Variants in RFX7 observed in about 807,000 individuals in gnomAD.
The protein encoded by RFX7 is regulatory factor X7.
A neutral mutation model predicts 111.8 loss-of-function variants in RFX7; 26 were observed. The observed-to-expected ratio is 0.23, with a 90% confidence interval of 0.17 to 0.32. The LOEUF is 0.32. Ranked by LOEUF, RFX7 falls within the 10% of genes least tolerant of loss-of-function variation. The pLI, the probability that RFX7 is intolerant of heterozygous loss-of-function variation, is 1.00. For missense variants in RFX7, 1,573 were observed against 1,772.9 expected, an observed-to-expected ratio of 0.89 and a Z score of 2.02; for synonymous variants, 624 against 624.4, an observed-to-expected ratio of 1.00 and a Z score of 0.01.
At chr15:56,143,012 C>A in intron 4 of RFX7, 112 bp from the exon 5 acceptor site, 2 of 1,153,266 alleles carry the variant, frequency 1.7e-6, no homozygotes, top group South Asian at 1.5e-5. Context: ...TATCAACGAC[C>A]AAACCAAACT....
intron 5 of RFX7, among the ~76,000 whole-genome samples, chr15:56,112,325 T>C (rs1257225403): frequency 1.5e-5 from 2 of 131,816 alleles, no homozygotes. Context: ...ATAAATTTAG[T>C]GCATCCTGAC....
intron 5 of RFX7, among the ~76,000 whole-genome samples, chr15:56,141,662 T>TATATATATATATATATATAG (rs2042398825): frequency 7.8e-6 from 1 of 128,160 alleles, no homozygotes; most frequent in African/African-American, 3.3e-5. Flanking sequence ...TCTAAATATA[T>TATATATATATATATATATAG]ATATATATAT....
intron 5 of RFX7, among the ~76,000 whole-genome samples, chr15:56,140,590 C>T (rs2042378678): frequency 6.6e-6 from 1 of 152,192 alleles, no homozygotes; most frequent in African/African-American, 2.4e-5. Flanking sequence ...GTCACTCAGG[C>T]CGGAGCTGTT....
chr15:56,127,269 T>C (rs1410896162), intron 5 of RFX7, among the ~76,000 whole-genome samples: 5 of 151,848 alleles, frequency 3.3e-5, no homozygotes, highest in Non-Finnish European at 5.9e-5. Context: ...TAGAGAATAC[T>C]TGAGATAAAA....
Position 56,179,399 on chromosome 15 carries a change from A to C in RFX7, c.162-96T>G, listed in dbSNP as rs1296368015. ...TGTGGTAATTTAGTCTTCCTTACTA[A>C]GAAAAAAATAAATACAGCTTCCTAT... On this transcript the variant is annotated intron_variant, in intron 2 of 9. Coordinates refer to ENST00000559447, the MANE Select transcript of RFX7 (RefSeq NM_022841.7). The C allele has an allele frequency of 1.1e-4, 46 of 430,386 alleles. 1 individual carries two copies. Among genetic ancestry groups the C allele is most frequent in the Non-Finnish European group, 1.6e-4 (40 of 258,002 alleles). The allele number at this position is 430,386 out of a possible 1,614,324, so 26.7% of individuals were successfully genotyped here.
intron 3 of RFX7, among the ~76,000 whole-genome samples, chr15:56,151,816 T>C (rs1228525447): frequency 5.9e-5 from 9 of 152,092 alleles, no homozygotes; most frequent in Non-Finnish European, 2.9e-5. Context: ...AGGAGACCTA[T>C]CTCATGTGCA....
At chr15:56,159,151 A>G (rs910276100) in intron 3 of RFX7, among the ~76,000 whole-genome samples, 1 of 152,280 alleles carries the variant, frequency 6.6e-6, no homozygotes, top group East Asian at 1.9e-4. Context: ...AGGTTAGTCC[A>G]TGTTGTTGTA....
chr15:56,135,522 G>A (rs2042288092), intron 5 of RFX7, among the ~76,000 whole-genome samples: 1 of 151,694 alleles, frequency 6.6e-6, no homozygotes, highest in Non-Finnish European at 1.5e-5. Context: ...TTAGCCCTTT[G>A]TCAGATGAGT....
intron 2 of RFX7, among the ~76,000 whole-genome samples, chr15:56,213,420 G>T (rs192935613): frequency 6.6e-6 from 1 of 152,140 alleles, no homozygotes; most frequent in Non-Finnish European, 1.5e-5. Flanking sequence ...TATGCTGAGT[G>T]AAAAAAGCCC....
Position 56,095,519 on chromosome 15 carries a change from G to A in RFX7, c.2209C>T (p.Leu737Phe). 1 of 1,613,352 alleles carries A rather than the reference G, an allele frequency of 6.2e-7. No homozygotes were observed. Among genetic ancestry groups the A allele is most frequent in the South Asian group, 1.1e-5 (1 of 91,086 alleles). The change falls in exon 10 of 10, where the codon CTT becomes TTT. Residue 737 changes from leucine (L) to phenylalanine (F), a missense_variant. Leu to Phe is a conservative substitution (Grantham distance 22). Coordinates refer to ENST00000559447, the MANE Select transcript of RFX7 (RefSeq NM_022841.7). ...GANQPLNSSA[L>F]VISDSALEQQ... ...TCCAAAGCTGAATCACTGATAACAAGGGCAGAGGAATTCAAGGGTTGATTT... is the reference window on the plus strand; with the variant it reads ...TCCAAAGCTGAATCACTGATAACAAAGGCAGAGGAATTCAAGGGTTGATTT...
intron 5 of RFX7, among the ~76,000 whole-genome samples, chr15:56,105,106 G>C (rs766581266): frequency 2.0e-5 from 3 of 152,020 alleles, no homozygotes; most frequent in Admixed American, 6.6e-5. Context: ...TGAGAATGAG[G>C]CTCTTTTGCA....
At chr15:56,193,702 TG>T (rs1248568823) in intron 2 of RFX7, among the ~76,000 whole-genome samples, 1 of 152,122 alleles carries the variant, frequency 6.6e-6, no homozygotes, top group Non-Finnish European at 1.5e-5. Flanking sequence ...AGAATGTTAT[TG>T]ATATAAAGTA....
chr15:56,244,249 TC>T (rs549759912), upstream of RFX7: 890 of 152,304 alleles, frequency 5.8e-3, 4 homozygotes, highest in Middle Eastern at 0.01. Flanking sequence ...GATTACTTCC[TC>T]CCTGAGTAAA....
intron 2 of RFX7, among the ~76,000 whole-genome samples, chr15:56,236,982 G>A (rs1295656267): frequency 6.6e-6 from 1 of 151,824 alleles, no homozygotes; most frequent in African/African-American, 2.4e-5. Flanking sequence ...GTAGCAATAA[G>A]CAAGTCCTCC....
intron 5 of RFX7, among the ~76,000 whole-genome samples, chr15:56,104,373 C>A (rs2041800773): frequency 1.3e-5 from 2 of 152,178 alleles, no homozygotes; most frequent in South Asian, 4.1e-4. Flanking sequence ...CAATCCTCTA[C>A]CAGTTCAGCA....
chr15:56,214,834 GAAATGC>G (rs1311384430), intron 2 of RFX7, among the ~76,000 whole-genome samples: 4 of 151,808 alleles, frequency 2.6e-5, no homozygotes, highest in African/African-American at 4.8e-5. Flanking sequence ...ATTGTATACA[GAAATGC>G]AAATGACTTT....
intron 3 of RFX7, among the ~76,000 whole-genome samples, chr15:56,147,191 T>A (rs544016691): frequency 2.0e-5 from 3 of 152,236 alleles, no homozygotes; most frequent in African/African-American, 7.2e-5. Flanking sequence ...ATAATGGTAT[T>A]CTATTTTTGG....
At position 56,096,375 on chromosome 15, in the gene RFX7, G is replaced by A; in HGVS notation, c.1353C>T (p.Leu451=). ...CAGTTTTGATGGGACTACTAGTAAA[G>A]AGGACAGTAGTTGGAGAGCGAATGG... ...ALTIRSPTTV[L]FTSSPIKTAV... is the part of the protein sequence containing the mutation. The change falls in exon 10 of 10, where the codon CTC becomes CTT. Residue 451 remains leucine (L), a synonymous_variant. Transcript: ENST00000559447. 6.2e-7 allele frequency: 1 copy of A among 1,614,002 alleles called. No individual in the cohort carries two copies. Among genetic ancestry groups the A allele is most frequent in the East Asian group, 2.2e-5 (1 of 44,882 alleles).
chr15:56,217,357 G>A (rs1433550798), intron 2 of RFX7, among the ~76,000 whole-genome samples: 1 of 151,544 alleles, frequency 6.6e-6, no homozygotes, highest in Non-Finnish European at 1.5e-5. Flanking sequence ...ATGTCTAACA[G>A]AGCTTTCACC....
Sources: allele counts gnomAD v4.1 joint callset (sites outside exome capture counted in the v4.1 genomes callset), GRCh38; gene constraint gnomAD v4.1.1; transcripts MANE v1.5; gene names NCBI Gene and HGNC (gene_info 2026-07-23, HGNC 2026-07-21).